EREG: variants seen among roughly 807,000 people sequenced by gnomAD.
EREG encodes the protein epiregulin.
In EREG, 23 loss-of-function variants were observed where a neutral mutation model predicts 22.4. The observed-to-expected ratio is 1.03, with a 90% CI of 0.74 to 1.46. The LOEUF is 1.46. Ranked by LOEUF, EREG falls within the 40% of genes most tolerant of loss-of-function variation. The probability of loss-of-function intolerance (pLI) is 0.00; values close to 1 mark genes in which losing one functional copy is unlikely to be tolerated. For synonymous variants in EREG, 100 were observed against 75.4 expected (o/e 1.33, Z -1.69); for missense variants, 226 against 205.9 (o/e 1.10, Z -0.60).
chr4:74,366,122 T>C (rs1433384794), intron 1 of EREG, among the ~76,000 whole-genome samples: 1 of 152,148 alleles, frequency 6.6e-6, no homozygotes, highest in Non-Finnish European at 1.5e-5. Flanking sequence ...GTCTTCCTAT[T>C]TGAGATGATT....
chr4:74,377,933 T>C lies in EREG; in HGVS notation c.68-1515T>C, dbSNP rs573748892. ...ATGGGGATTGCAATTCCAGATGAGA[T>C]GTGGGTGGGGACACAGAGCCAAACT... On this transcript the variant is annotated intron_variant, in intron 1 of 4. Coordinates refer to ENST00000244869, the MANE Select transcript of EREG (RefSeq NM_001432.3). 3.3e-5 allele frequency among the ~76,000 whole-genome samples: 5 copies of C among 152,298 alleles called. No individual in the cohort carries two copies. In the South Asian group the frequency reaches 8.3e-4, roughly 25 times the overall value.
intron 3 of EREG, chr4:74,382,417 A>C (rs1168779833): frequency 2.5e-6 from 1 of 407,652 alleles, no homozygotes; most frequent in African/African-American, 2.0e-5. Flanking sequence ...AGCCACCATG[A>C]CAGCTGAACA....
rs182106804 is a variant in EREG at position 74,387,751 on chromosome 4, C to T, written c.*2943C>T. ...ATTTCTAGAAGGGGCTATGCATATTCAATGTATTGAGAACCAAAGCAACCA... is the reference window on the plus strand; with the variant it reads ...ATTTCTAGAAGGGGCTATGCATATTTAATGTATTGAGAACCAAAGCAACCA... On this transcript the variant is annotated 3_prime_UTR_variant, in exon 5 of 5. Transcript: ENST00000244869. 1 of 152,108 alleles carries T rather than the reference C, an allele frequency of 6.6e-6. No individual in the cohort carries two copies. Among genetic ancestry groups the T allele is most frequent in the African/African-American group, 2.4e-5 (1 of 41,430 alleles). The allele number at this position is 152,108 out of a possible 1,614,324, so 9.4% of individuals were successfully genotyped here. A position where few individuals can be genotyped will look rare whatever the true frequency, so the allele number is the denominator to read the frequency against.
intron 1 of EREG, among the ~76,000 whole-genome samples, chr4:74,375,306 CTTTTTTTTTTT>C (rs71219383): frequency 1.9e-3 from 113 of 61,052 alleles, no homozygotes; most frequent in South Asian, 3.6e-3. Context: ...ACTAGCGATT[CTTTTTTTTTTT>C]TTTTTTTTTT....
intron 1 of EREG, among the ~76,000 whole-genome samples, chr4:74,367,053 T>C (rs1752198271): frequency 6.6e-6 from 1 of 152,196 alleles, no homozygotes; most frequent in Non-Finnish European, 1.5e-5. Context: ...AAAATACTTT[T>C]CCCAAATCTT....
chr4:74,367,594 C>A (rs1578815468), intron 1 of EREG, among the ~76,000 whole-genome samples: 1 of 152,214 alleles, frequency 6.6e-6, no homozygotes, highest in East Asian at 1.9e-4. Context: ...CGTACTTCAT[C>A]AATGAGAGAG....
rs1306779168 is a variant in EREG, at chr4:74,386,048, G to A, written c.*1240G>A. 2.8e-6 allele frequency: 1 copy of A among 358,598 alleles called. No homozygotes were observed. The highest frequency in any genetic ancestry group is 2.1e-5 in the African/African-American group (1 of 47,826). 22.2% of individuals were successfully genotyped at this position (358,598 alleles called of 1,614,324 possible). A position where few individuals can be genotyped will look rare whatever the true frequency, so the allele number is the denominator to read the frequency against. On this transcript the variant is annotated 3_prime_UTR_variant, in exon 5 of 5. Transcript: ENST00000244869. The stretch of plus-strand genomic sequence containing the variant: ...ACTAGGGCTCATTTTCCTGACATTT[G>A]TTTATTTTTTGGAAGAGACAAAGAT...
At chr4:74,381,732 T>G (rs1435397914) in intron 3 of EREG, 1 of 151,826 alleles carries the variant, frequency 6.6e-6, no homozygotes, top group Non-Finnish European at 1.5e-5. Context: ...ATCCCAGCAC[T>G]TTGGGAGGCC....
chr4:74,379,424 T>C (rs769491007), intron 1 of EREG, 24 bp from the exon 2 acceptor site: 7 of 1,359,522 alleles, frequency 5.1e-6, no homozygotes, highest in Admixed American at 3.4e-5. Flanking sequence ...ATTAGTTATA[T>C]ATTCGATTTT....
chr4:74,373,607 TGTGTATATATGTGA>T (rs1650792973), intron 1 of EREG, among the ~76,000 whole-genome samples: 1 of 148,714 alleles, frequency 6.7e-6, no homozygotes, highest in African/African-American at 2.4e-5. Context: ...TATATATATG[TGTGTATATATGTGA>T]GTGTATATAT....
Position 74,386,113 on chromosome 4 carries a change from T to C in EREG, c.*1305T>C. ...GAGCCCATAGGTCTCAGAGAGTTAA[T>C]AGGAGTATTTTTGGGCTATTGCATA... On this transcript the variant is annotated 3_prime_UTR_variant, in exon 5 of 5. Transcript: ENST00000244869. 3.4e-6 allele frequency: 1 copy of C among 295,514 alleles called. No individual in the cohort carries two copies. The allele number at this position is 295,514 out of a possible 1,614,324, so 18.3% of individuals were successfully genotyped here. A position where few individuals can be genotyped will look rare whatever the true frequency, so the allele number is the denominator to read the frequency against.
At chr4:74,371,762 A>G (rs573913154) in intron 1 of EREG, among the ~76,000 whole-genome samples, 45 of 152,212 alleles carry the variant, frequency 3.0e-4, no homozygotes, top group Middle Eastern at 3.4e-3. Flanking sequence ...ATTAAACTCA[A>G]ATATGTTCAC....
rs1272581314 is a variant in EREG at position 74,384,965 on chromosome 4, A to G, written c.*157A>G. 2 of 517,550 alleles carry G rather than the reference A, an allele frequency of 3.9e-6. No homozygotes were observed. The highest frequency in any genetic ancestry group is 6.0e-5 in the East Asian group (2 of 33,592). 32.1% of individuals were successfully genotyped at this position (517,550 alleles called of 1,614,324 possible). A position where few individuals can be genotyped will look rare whatever the true frequency, so the allele number is the denominator to read the frequency against. On this transcript the variant is annotated 3_prime_UTR_variant, in exon 5 of 5. Transcript: ENST00000244869. Reference sequence around the variant, plus strand: ...TGTTTTTATTTTTGTTTTATTTTTGACAGACTATTTGCTAATGTATAATGT... The same window carrying G: ...TGTTTTTATTTTTGTTTTATTTTTGGCAGACTATTTGCTAATGTATAATGT...
In EREG at chr4:74,384,661, A is replaced by G. The variant is rs1395093247; in HGVS notation, c.429-66A>G. The G allele has an allele frequency of 7.8e-6, 7 of 896,942 alleles. No individual in the cohort carries two copies. In the African/African-American group the frequency reaches 1.2e-4, roughly 15 times the overall value. The allele number at this position is 896,942 out of a possible 1,614,324, so 55.6% of individuals were successfully genotyped here. On this transcript the variant is annotated intron_variant, in intron 4 of 4. Coordinates refer to ENST00000244869, the MANE Select transcript of EREG (RefSeq NM_001432.3). ...ATGCTAATGTGCCTTTGGAGTCCAT[A>G]TATAACACACTTGTTCCTTTGCTAT...
chr4:74,384,615 C>A, intron 4 of EREG, 112 bp from the exon 5 acceptor site: 4 of 448,568 alleles, frequency 8.9e-6, no homozygotes, highest in East Asian at 3.8e-5. Flanking sequence ...ATCTGTTCAA[C>A]TTTGTCATTT....
chr4:74,381,488 T>C (rs1381646054), intron 3 of EREG: 3 of 160,240 alleles, frequency 1.9e-5, no homozygotes, highest in African/African-American at 4.8e-5. Flanking sequence ...CCATGGGCTG[T>C]TAAATGCAGT....
chr4:74,373,712 G>GTA (rs943783110), intron 1 of EREG, among the ~76,000 whole-genome samples: 93 of 146,938 alleles, frequency 6.3e-4, no homozygotes, highest in African/African-American at 2.3e-3. Context: ...ATATATGTAT[G>GTA]TATATATATA....
intron 1 of EREG, 32 bp downstream of exon 1, chr4:74,365,407 C>A: frequency 6.2e-7 from 1 of 1,605,442 alleles, no homozygotes; most frequent in Non-Finnish European, 8.5e-7. Context: ...TCCGGCCGCC[C>A]CAAAGAGGAG....
chr4:74,377,034 C>T (rs1196674412), intron 1 of EREG, among the ~76,000 whole-genome samples: 1 of 151,806 alleles, frequency 6.6e-6, no homozygotes. Context: ...CTTTACAGTA[C>T]CAAATTACAG....
Sources: gnomAD v4.1 joint callset for allele counts (sites outside exome capture counted in the v4.1 genomes callset) on GRCh38, gnomAD v4.1.1 for gene constraint, MANE v1.5 for transcripts, NCBI Gene and HGNC (gene_info 2026-07-23, HGNC 2026-07-21) for gene names.